KCNQ1: variants seen among roughly 807,000 people sequenced by gnomAD.
KCNQ1 encodes the protein potassium voltage-gated channel subfamily Q member 1, also known as potassium voltage-gated channel subfamily KQT member 1.
KCNQ1 carries 49 observed loss-of-function variants against 72.4 expected under a neutral mutation model. The observed-to-expected ratio is 0.68, with a 90% CI of 0.54 to 0.86. The LOEUF (loss-of-function observed/expected upper bound fraction) is 0.86. Ranked by LOEUF, KCNQ1 falls within the 40% of genes least tolerant of loss-of-function variation. The probability of loss-of-function intolerance (pLI) is 0.00; values close to 1 mark genes in which losing one functional copy is unlikely to be tolerated. For missense variants in KCNQ1, 790 were observed against 945.1 expected (o/e 0.84, Z 2.15); for synonymous variants, 450 against 412.6 (o/e 1.09, Z -1.10).
In KCNQ1 at chr11:2,690,033, C is replaced by T; in HGVS notation, c.1514+27952C>T. The T allele has an allele frequency of 1.0e-5, 4 of 399,004 alleles. No individual in the cohort carries two copies. The East Asian group carries it at 1.4e-4, about 14-fold the overall frequency. The allele number at this position is 399,004 out of a possible 1,614,324, so 24.7% of individuals were successfully genotyped here. A position where few individuals can be genotyped will look rare whatever the true frequency, so the allele number is the denominator to read the frequency against. On this transcript the variant is annotated intron_variant, in intron 11 of 15. Transcript: ENST00000155840. The surrounding 1 kb of genome is among the most constrained non-coding windows in gnomAD (Gnocchi z 5.1). The stretch of plus-strand genomic sequence containing the variant: ...GGAAGGTGAGCCTTCCGAGGGCCAG[C>T]CCTGCCTCTCCTCCCCTCTCCTAGC...
intron 15 of KCNQ1, among the ~76,000 whole-genome samples, chr11:2,788,265 C>A (rs1846950368): frequency 6.6e-6 from 1 of 152,156 alleles, no homozygotes; most frequent in African/African-American, 2.4e-5. Flanking sequence ...ATGACCCACG[C>A]CTCCCCGAGG....
At position 2,671,169 on chromosome 11, in the gene KCNQ1, G is replaced by A. The variant is rs1490452486; in HGVS notation, c.1514+9088G>A. On this transcript the variant is annotated intron_variant, in intron 11 of 15. Transcript: ENST00000155840. The surrounding 1 kb of genome is among the most constrained non-coding windows in gnomAD (Gnocchi z 4.7). ...CCTGAGGTGCCATCTTAGAAATAGGGCCTTGTTAGGAGAAAAGGAAAGAAA... is the reference window on the plus strand; with the variant it reads ...CCTGAGGTGCCATCTTAGAAATAGGACCTTGTTAGGAGAAAAGGAAAGAAA... 1.3e-5 allele frequency: 5 copies of A among 398,504 alleles called. No individual in the cohort carries two copies. Among genetic ancestry groups the A allele is most frequent in the Non-Finnish European group, 2.2e-5 (5 of 226,088 alleles). 24.7% of individuals were successfully genotyped at this position (398,504 alleles called of 1,614,324 possible).
At chr11:2,596,850 A>G (rs1174359592) in intron 10 of KCNQ1, among the ~76,000 whole-genome samples, 1 of 151,758 alleles carries the variant, frequency 6.6e-6, no homozygotes, top group African/African-American at 2.4e-5. Flanking sequence ...TGTCAATTAT[A>G]TCTCAATAAA....
At chr11:2,732,791 G>A (rs1845877353) in intron 11 of KCNQ1, among the ~76,000 whole-genome samples, 1 of 152,176 alleles carries the variant, frequency 6.6e-6, no homozygotes, top group African/African-American at 2.4e-5. Context: ...GCCTCGCCTT[G>A]CAGCCGGAGC....
Position 2,447,915 on chromosome 11 carries a change from C to G in KCNQ1, c.386+2431C>G, listed in dbSNP as rs983330836. On this transcript the variant is annotated intron_variant, in intron 1 of 15. Transcript: ENST00000155840. The surrounding 1 kb of genome is among the most constrained non-coding windows in gnomAD (Gnocchi z 7.6). ...GATATCCTGTCCCCTCCTCGGGGAA[C>G]CCCCCCTCCCCAGGAGAGCAGCTCT... Among the ~76,000 whole-genome samples, 1 of 152,128 alleles carries G rather than the reference C, an allele frequency of 6.6e-6. No individual in the cohort carries two copies. The highest frequency in any genetic ancestry group is 1.5e-5 in the Non-Finnish European group (1 of 67,986).
chr11:2,730,641 A>T (rs766805278), intron 11 of KCNQ1, among the ~76,000 whole-genome samples: 5 of 152,186 alleles, frequency 3.3e-5, no homozygotes, highest in Non-Finnish European at 7.4e-5. Context: ...GTCCCTAGGC[A>T]TCCAGTGCAG....
intron 10 of KCNQ1, chr11:2,648,989 T>TTTTTTTTTTTTTTTTTTTTTG (rs1849714081): frequency 2.9e-6 from 1 of 346,224 alleles, no homozygotes; most frequent in Non-Finnish European, 5.2e-6. Flanking sequence ...TTCTTTTTTT[T>TTTTTTTTTTTTTTTTTTTTTG]TTTTTTTTTT....
rs1489601787 is a variant in KCNQ1 at position 2,593,074 on chromosome 11, A to T, written c.1393+4220A>T. On this transcript the variant is annotated intron_variant, in intron 10 of 15. Transcript: ENST00000155840. This position sits in a 1 kb window ranked among gnomAD's most constrained non-coding sequence, Gnocchi z 6.9. ...GACCAGGTTGTCCAGTCCCCTCCTC[A>T]TAGGGGAGTGGCCCTTTGTCTTTCA... Among the ~76,000 whole-genome samples, 1 of 152,070 alleles carries T rather than the reference A, an allele frequency of 6.6e-6. No homozygotes were observed. Among genetic ancestry groups the T allele is most frequent in the South Asian group, 2.1e-4 (1 of 4,820 alleles).
At chr11:2,583,348 C>T in intron 6 of KCNQ1, 87 bp from the exon 7 acceptor site, 3 of 908,234 alleles carry the variant, frequency 3.3e-6, no homozygotes, top group Non-Finnish European at 3.7e-6. Context: ...CCTCTCCGCT[C>T]ATCAGAGTGG....
At chr11:2,503,621 C>T (rs1258170254) in intron 1 of KCNQ1, among the ~76,000 whole-genome samples, 1 of 151,860 alleles carries the variant, frequency 6.6e-6, no homozygotes, top group Non-Finnish European at 1.5e-5. Flanking sequence ...AGCACACCAA[C>T]ATGGCACATG....
intron 1 of KCNQ1, among the ~76,000 whole-genome samples, chr11:2,501,607 C>T (rs1263216101): frequency 1.3e-5 from 2 of 150,230 alleles, no homozygotes; most frequent in African/African-American, 4.9e-5. Flanking sequence ...ATTTCAAGAA[C>T]TAATACTAAT....
At position 2,698,640 on chromosome 11, in the gene KCNQ1, C is replaced by A. The variant is rs1463803776; in HGVS notation, c.1514+36559C>A. 5 of 398,514 alleles carry A rather than the reference C, an allele frequency of 1.3e-5. No individual in the cohort carries two copies. The highest frequency in any genetic ancestry group is 1.0e-4 in the African/African-American group (5 of 48,558). 24.7% of individuals were successfully genotyped at this position (398,514 alleles called of 1,614,324 possible). Reference sequence around the variant, plus strand: ...CCCATACCCCACTGAGACCTCTAACCCCAATCCCAATCTCTTAACTCAGAG... The same window carrying A: ...CCCATACCCCACTGAGACCTCTAACACCAATCCCAATCTCTTAACTCAGAG... On this transcript the variant is annotated intron_variant, in intron 11 of 15. Transcript: ENST00000155840. The surrounding 1 kb of genome is among the most constrained non-coding windows in gnomAD (Gnocchi z 5.1).
rs2133872027 is a variant in KCNQ1 at position 2,674,261 on chromosome 11, G to GC, written c.1514+12185dup. Reference sequence around the variant, plus strand: ...CAGAGCTGGAGGCCCCTCTCTCCCAGCCCCCGGCACACACACTAGGACCTT... The same window carrying GC: ...CAGAGCTGGAGGCCCCTCTCTCCCAGCCCCCCGGCACACACACTAGGACCTT... On this transcript the variant is annotated intron_variant, in intron 11 of 15. Coordinates refer to ENST00000155840, the MANE Select transcript of KCNQ1 (RefSeq NM_000218.3). The surrounding 1 kb of genome is among the most constrained non-coding windows in gnomAD (Gnocchi z 5.9). 2.5e-6 allele frequency: 1 copy of GC among 398,660 alleles called. No individual in the cohort carries two copies. The highest frequency in any genetic ancestry group is 3.6e-5 in the East Asian group (1 of 28,062). The allele number at this position is 398,660 out of a possible 1,614,324, so 24.7% of individuals were successfully genotyped here.
In KCNQ1 at chr11:2,570,682, G is replaced by A. The variant is rs120074177; in HGVS notation, c.532G>A (p.Ala178Thr). Residue 178 changes from alanine (A) to threonine (T), a missense_variant, in exon 3 of 16, where the codon GCC becomes ACC. Ala to Thr is a moderately conservative substitution (Grantham distance 58). Coordinates refer to ENST00000155840, the MANE Select transcript of KCNQ1 (RefSeq NM_000218.3). ...GTEYVVRLWSAGCRSKYVGLW... is the reference protein window; with the variant it reads ...GTEYVVRLWSTGCRSKYVGLW... ...GGAGTACGTGGTCCGCCTCTGGTCC[G>A]CCGGCTGCCGCAGCAAGTACGTGGG... 8.1e-6 allele frequency: 13 copies of A among 1,612,274 alleles called. No individual in the cohort carries two copies. The highest frequency in any genetic ancestry group is 2.2e-5 in the East Asian group (1 of 44,884).
chr11:2,730,171 C>T (rs143684995), intron 11 of KCNQ1, among the ~76,000 whole-genome samples: 2 of 152,262 alleles, frequency 1.3e-5, no homozygotes, highest in Non-Finnish European at 2.9e-5. Context: ...ACCTGGCAGA[C>T]CAGGAGGGAG....
intron 11 of KCNQ1, among the ~76,000 whole-genome samples, chr11:2,742,689 C>T (rs1443647313): frequency 6.6e-6 from 1 of 152,244 alleles, no homozygotes; most frequent in Non-Finnish European, 1.5e-5. Flanking sequence ...GCTTTGCAAA[C>T]AAGAGCCTCG....
intron 2 of KCNQ1, among the ~76,000 whole-genome samples, chr11:2,531,174 G>C (rs1241832434): frequency 4.9e-5 from 7 of 142,316 alleles, no homozygotes; most frequent in Non-Finnish European, 1.1e-4. Flanking sequence ...CTTCAGACGT[G>C]CCCTGGGCTC....
intron 14 of KCNQ1, 168 bp from the exon 15 acceptor site, chr11:2,777,808 C>A: frequency 3.0e-6 from 2 of 661,724 alleles, no homozygotes; most frequent in Non-Finnish European, 5.5e-6. Flanking sequence ...CACCGTACCA[C>A]CCCTGGTATT....
intron 10 of KCNQ1, chr11:2,616,204 GTTTT>G (rs1002332005): frequency 8.1e-6 from 3 of 371,246 alleles, no homozygotes; most frequent in Admixed American, 4.9e-5. Context: ...TCCCACTTTT[GTTTT>G]TTTTTCTTAT....
Sources: gnomAD v4.1 joint callset for allele counts (sites outside exome capture counted in the v4.1 genomes callset) on GRCh38, gnomAD v4.1.1 for gene constraint, Gnocchi (gnomAD v3.1) non-coding constraint, MANE v1.5 for transcripts, NCBI Gene and HGNC (gene_info 2026-07-23, HGNC 2026-07-21) for gene names.